The following EFCAB11 variants were observed in gnomAD, a reference collection of about 807,000 sequenced individuals.
The protein encoded by EFCAB11 is EF-hand calcium-binding domain-containing protein 11.
Under a neutral mutation model 23.0 loss-of-function variants are expected in EFCAB11, and 14 were observed. That is an observed-to-expected ratio of 0.61 (90% CI 0.40 to 0.95). The LOEUF (loss-of-function observed/expected upper bound fraction) is 0.95, where lower values mean the gene tolerates loss of function less well. Among genes scored for constraint, EFCAB11 ranks in the 40% least tolerant of loss-of-function variants. The pLI is 0.00. For synonymous variants in EFCAB11, 65 were observed against 66.6 expected, an observed-to-expected ratio of 0.98 and a Z score of 0.11; for missense variants, 198 against 195.8, an observed-to-expected ratio of 1.01 and a Z score of -0.07.
intron 5 of EFCAB11, among the ~76,000 whole-genome samples, chr14:89,829,384 T>C (rs1566774913): frequency 1.3e-5 from 2 of 152,202 alleles, no homozygotes; most frequent in African/African-American, 4.8e-5. Flanking sequence ...ATTATTCTCT[T>C]GTGTTGCATG....
chr14:89,925,655 T>C (rs1890168463), intron 5 of EFCAB11, among the ~76,000 whole-genome samples: 1 of 150,546 alleles, frequency 6.6e-6, no homozygotes, highest in Non-Finnish European at 1.5e-5. Flanking sequence ...TTTCTTTTTT[T>C]TTTTTTTTGA....
chr14:89,866,181 TAGACACCGTC>T (rs1312970458), intron 5 of EFCAB11, among the ~76,000 whole-genome samples: 1 of 152,220 alleles, frequency 6.6e-6, no homozygotes, highest in African/African-American at 2.4e-5. Context: ...GATAGGATTT[TAGACACCGTC>T]AGGGATGGTT....
At chr14:89,814,222 C>T (rs1015705809) in intron 5 of EFCAB11, among the ~76,000 whole-genome samples, 2 of 152,046 alleles carry the variant, frequency 1.3e-5, no homozygotes, top group Non-Finnish European at 2.9e-5. Context: ...TTCTTTTCTT[C>T]CCCCTTTGCT....
intron 5 of EFCAB11, among the ~76,000 whole-genome samples, chr14:89,920,022 C>A (rs1889973038): frequency 6.6e-6 from 1 of 152,132 alleles, no homozygotes; most frequent in Non-Finnish European, 1.5e-5. Context: ...TTTAGCACTC[C>A]CACTCCAGTT....
intron 5 of EFCAB11, among the ~76,000 whole-genome samples, chr14:89,896,340 A>G (rs1339610722): frequency 2.0e-5 from 3 of 152,074 alleles, no homozygotes; most frequent in African/African-American, 7.2e-5. Flanking sequence ...CAGTGAGCCG[A>G]GATCGTGCCA....
chr14:89,889,916 G>A (rs1057276682), intron 5 of EFCAB11, among the ~76,000 whole-genome samples: 3 of 152,186 alleles, frequency 2.0e-5, no homozygotes, highest in African/African-American at 7.2e-5. Flanking sequence ...CCCGTGTGCT[G>A]GTTTTGCATT....
In EFCAB11 at chr14:89,954,615, T is replaced by C. The variant is rs1464078734; in HGVS notation, c.46A>G (p.Ser16Gly). The change falls in exon 1 of 6, where the codon AGT (serine) becomes GGT (glycine). Residue 16 changes from serine to glycine, a missense_variant. Physicochemically the swap from Ser to Gly is moderately conservative, Grantham distance 56. Transcript: ENST00000316738. ...ARARSRTWEASPSEHRKWVEV... is the reference protein window; with the variant it reads ...ARARSRTWEAGPSEHRKWVEV... ...ACCCACTTCCTGTGTTCCGAGGGAC[T>C]GGCTTCCCACGTCCGCGACCTGGCT... is the stretch of plus-strand genomic sequence containing the variant. 6.2e-7 allele frequency: 1 copy of C among 1,613,792 alleles called. No individual in the cohort carries two copies. The highest frequency in any genetic ancestry group is 1.7e-5 in the Admixed American group (1 of 60,014).
At chr14:89,932,020 ATATTGC>A (rs72459741) in intron 4 of EFCAB11, among the ~76,000 whole-genome samples, 28,447 of 151,994 alleles carry the variant, frequency 0.19, 3,042 homozygotes, top group South Asian at 0.32. Context: ...GAATCATGAA[ATATTGC>A]TATTTAGAAG....
Position 89,952,294 on chromosome 14 carries a change from T to C in EFCAB11, c.171+1612A>G, listed in dbSNP as rs559568904. The C allele has an allele frequency of 2.3e-5, 13 of 561,128 alleles. No homozygotes were observed. In the East Asian group the frequency reaches 5.8e-4, roughly 25 times the overall value. The allele number at this position is 561,128 out of a possible 1,614,324, so 34.8% of individuals were successfully genotyped here. Reference sequence around the variant, plus strand: ...TAAATTTCATGGAGTGTATGTACAGTATGTTACATCACTGTATCTGTCATT... The same window carrying C: ...TAAATTTCATGGAGTGTATGTACAGCATGTTACATCACTGTATCTGTCATT... On this transcript the variant is annotated intron_variant, in intron 2 of 5. Coordinates refer to ENST00000316738, the MANE Select transcript of EFCAB11 (RefSeq NM_145231.4).
chr14:89,861,890 T>C (rs908436157), intron 5 of EFCAB11, among the ~76,000 whole-genome samples: 1 of 152,228 alleles, frequency 6.6e-6, no homozygotes, highest in African/African-American at 2.4e-5. Context: ...ATAAATTTCT[T>C]TTCTTTATAC....
intron 4 of EFCAB11, 69 bp downstream of exon 4, chr14:89,932,457 G>C: frequency 8.8e-7 from 1 of 1,130,664 alleles, no homozygotes; most frequent in Admixed American, 2.0e-5. Context: ...GATTTACTGG[G>C]TATATAATCC....
chr14:89,924,936 C>T (rs773818019), intron 5 of EFCAB11, among the ~76,000 whole-genome samples: 4 of 152,106 alleles, frequency 2.6e-5, no homozygotes, highest in Non-Finnish European at 4.4e-5. Context: ...AGGACAGTGG[C>T]GATTACAGAT....
chr14:89,942,703 T>TTA (rs1890833650), intron 3 of EFCAB11, among the ~76,000 whole-genome samples: 1 of 152,190 alleles, frequency 6.6e-6, no homozygotes, highest in African/African-American at 2.4e-5. Context: ...CAGTTTTTGC[T>TTA]TATATTCACT....
intron 5 of EFCAB11, among the ~76,000 whole-genome samples, chr14:89,901,456 C>T (rs1047021645): frequency 6.6e-5 from 10 of 152,180 alleles, no homozygotes; most frequent in African/African-American, 1.7e-4. Flanking sequence ...CTGCATTCAT[C>T]TGTAAAATGG....
At chr14:89,869,103 T>G (rs1164650052) in intron 5 of EFCAB11, among the ~76,000 whole-genome samples, 2 of 152,110 alleles carry the variant, frequency 1.3e-5, no homozygotes, top group African/African-American at 4.8e-5. Context: ...CTTGGAAGGC[T>G]GAAGCAGGAA....
intron 5 of EFCAB11, among the ~76,000 whole-genome samples, chr14:89,834,050 G>A (rs1886971670): frequency 6.6e-6 from 1 of 152,032 alleles, no homozygotes; most frequent in Non-Finnish European, 1.5e-5. Context: ...TTGGAAATGT[G>A]TATCCCTTAA....
intron 5 of EFCAB11, among the ~76,000 whole-genome samples, chr14:89,855,323 A>G (rs1270678750): frequency 1.3e-5 from 2 of 152,040 alleles, no homozygotes; most frequent in African/African-American, 2.4e-5. Context: ...AAAAAATACA[A>G]AAATTAGCTG....
At chr14:89,808,344 C>A (rs1244259748) in intron 5 of EFCAB11, among the ~76,000 whole-genome samples, 2 of 152,100 alleles carry the variant, frequency 1.3e-5, no homozygotes, top group Admixed American at 6.5e-5. Context: ...CAAATACTCA[C>A]CAGTAAGTGA....
intron 5 of EFCAB11, among the ~76,000 whole-genome samples, chr14:89,902,218 C>G (rs768091115): frequency 6.6e-6 from 1 of 152,166 alleles, no homozygotes; most frequent in South Asian, 2.1e-4. Flanking sequence ...GATGGCTCTT[C>G]GTCATTTAGG....
Sources: allele counts gnomAD v4.1 joint callset (sites outside exome capture counted in the v4.1 genomes callset), GRCh38; gene constraint gnomAD v4.1.1; transcripts MANE v1.5; gene names NCBI Gene and HGNC (gene_info 2026-07-23, HGNC 2026-07-21).